The following RAB33A variants were observed in gnomAD, a reference collection of about 807,000 sequenced individuals.
The protein encoded by RAB33A is RAB33A, member RAS oncogene family, also known as ras-related protein Rab-33A.
In RAB33A, 6 loss-of-function variants were observed where a neutral mutation model predicts 12.0. The ratio of observed to expected loss-of-function variants is 0.50; its 90% CI spans 0.27 to 0.99. The LOEUF is 0.99. RAB33A is among the 50% of genes least tolerant of loss of function. RAB33A has a pLI of 0.11. For synonymous variants in RAB33A, 70 were observed against 82.4 expected (o/e 0.85, Z 0.81); for missense variants, 109 against 192.0 (o/e 0.57, Z 2.55).
chrX:130,162,695 T>A, the RAB33A span, among the ~76,000 whole-genome samples: 9 of 111,951 alleles, frequency 8.0e-5, no homozygotes, highest in African/African-American at 1.9e-4. Flanking sequence ...CTCAGTTTCC[T>A]TTTTAAAGAG....
At chrX:130,182,179 T>TACACAC (rs59077749) in intron 1 of RAB33A, among the ~76,000 whole-genome samples, 4,555 of 72,480 alleles carry the variant, frequency 0.063, 381 homozygotes, top group African/African-American at 0.16. Context: ...TATATATATA[T>TACACAC]ATACACATAT....
upstream of RAB33A, among the ~76,000 whole-genome samples, chrX:130,167,288 CA>C (rs2031548548): frequency 8.9e-6 from 1 of 112,816 alleles, no homozygotes; most frequent in Non-Finnish European, 1.9e-5. Context: ...TCCTCATCTA[CA>C]AATCTCAGGA....
chrX:130,116,121 T>C, the RAB33A span, among the ~76,000 whole-genome samples: 1 of 101,782 alleles, frequency 9.8e-6, no homozygotes, highest in Non-Finnish European at 2.0e-5. Context: ...TTTTTTTTTT[T>C]TGAGACAGAG....
upstream of RAB33A, chrX:130,171,942 A>ACACACACACGCG (rs1491061537): frequency 1.2e-6 from 1 of 818,573 alleles, no homozygotes; most frequent in East Asian, 3.5e-5. Flanking sequence ...ACGGGCGGAC[A>ACACACACACGCG]CACACACACG....
the RAB33A span, among the ~76,000 whole-genome samples, chrX:130,141,636 T>C: frequency 1.8e-5 from 2 of 111,175 alleles, no homozygotes; most frequent in Non-Finnish European, 3.8e-5. Flanking sequence ...GCTTCCAGAT[T>C]CTTGTACTTT....
chrX:130,137,508 T>C, the RAB33A span: 1 of 1,167,270 alleles, frequency 8.6e-7, no homozygotes, highest in Non-Finnish European at 1.1e-6. Context: ...CCTGAAAAGA[T>C]GCCCTGATTT....
chrX:130,116,692 A>C, the RAB33A span, among the ~76,000 whole-genome samples: 1 of 112,555 alleles, frequency 8.9e-6, no homozygotes, highest in African/African-American at 3.2e-5. Flanking sequence ...GTTATACCAA[A>C]GCTTTTCTTC....
At chrX:130,158,053 G>A in the RAB33A span, among the ~76,000 whole-genome samples, 1 of 110,189 alleles carries the variant, frequency 9.1e-6, no homozygotes, top group East Asian at 2.9e-4. Context: ...ACCTGAGGTT[G>A]GGAGTTAGAG....
chrX:130,184,438 C>T lies in RAB33A; in HGVS notation c.412C>T (p.His138Tyr), dbSNP rs2031764132. Residue 138 changes from histidine (H) to tyrosine (Y), a missense_variant, in exon 2 of 2, where the codon CAT becomes TAT. Transcript: ENST00000257017. ...AATGTGGATCCAAGAATGCAATGGGCATGCTGTGCCCCCACTAGTCCCCAA... is the reference window on the plus strand; with the variant it reads ...AATGTGGATCCAAGAATGCAATGGGTATGCTGTGCCCCCACTAGTCCCCAA... Reference protein sequence around the residue: ...LKMWIQECNGHAVPPLVPKVL... With the variant: ...LKMWIQECNGYAVPPLVPKVL... 2.5e-6 allele frequency: 3 copies of T among 1,211,899 alleles called. No homozygotes were observed. Among genetic ancestry groups the T allele is most frequent in the Non-Finnish European group, 3.4e-6 (3 of 895,392 alleles).
rs758858788 is a variant in RAB33A at position 130,177,433 on chromosome X, C to T, written c.258+5113C>T. ...TTGCAGAGATGAGAAAAACAAGGCT[C>T]AGTTCAGGGAGGTTAAAAGACTTGT... On this transcript the variant is annotated intron_variant, in intron 1 of 1. Coordinates refer to ENST00000257017, the MANE Select transcript of RAB33A (RefSeq NM_004794.3). Among the ~76,000 whole-genome samples, 15 of 112,447 alleles carry T rather than the reference C, an allele frequency of 1.3e-4. No individual in the cohort carries two copies. In the South Asian group the frequency reaches 3.0e-3, roughly 22 times the overall value.
the RAB33A span, chrX:130,131,896 G>T: frequency 9.5e-7 from 1 of 1,049,378 alleles, no homozygotes; most frequent in Non-Finnish European, 1.3e-6. Context: ...TTTTTGAGAC[G>T]GAGTTTCACT....
At chrX:130,131,152 T>C in the RAB33A span, among the ~76,000 whole-genome samples, 1 of 111,148 alleles carries the variant, frequency 9.0e-6, no homozygotes, top group Admixed American at 9.6e-5. Context: ...GCCTCCCATC[T>C]AAAGAAAACC....
the RAB33A span, among the ~76,000 whole-genome samples, chrX:130,141,846 C>T: frequency 4.5e-5 from 5 of 111,957 alleles, no homozygotes; most frequent in African/African-American, 1.6e-4. Context: ...CTTCAGCTTT[C>T]GCTCAGTCTG....
the RAB33A span, among the ~76,000 whole-genome samples, chrX:130,143,648 C>T: frequency 9.2e-6 from 1 of 108,195 alleles, no homozygotes; most frequent in African/African-American, 3.4e-5. Flanking sequence ...GTCAGGAGTT[C>T]GAGACCAACC....
chrX:130,155,282 C>T, the RAB33A span: 3 of 1,209,528 alleles, frequency 2.5e-6, no homozygotes, highest in Admixed American at 2.2e-5. Context: ...GATGAGACTG[C>T]ACAACTGTAG....
At chrX:130,112,633 G>A in the RAB33A span, among the ~76,000 whole-genome samples, 1 of 111,759 alleles carries the variant, frequency 8.9e-6, no homozygotes, top group Non-Finnish European at 1.9e-5. Context: ...TTGGGATGCC[G>A]AGCGGGGTGG....
chrX:130,172,474 A>G (rs946572149), intron 1 of RAB33A, among the ~76,000 whole-genome samples, 154 bp downstream of exon 1: 1 of 108,716 alleles, frequency 9.2e-6, no homozygotes, highest in Admixed American at 9.6e-5. Context: ...ACCCCTTTTC[A>G]CCTCTCTCAG....
chrX:130,156,038 G>C, the RAB33A span, among the ~76,000 whole-genome samples: 925 of 111,523 alleles, frequency 8.3e-3, 9 homozygotes, highest in South Asian at 0.025. Context: ...GAAGGCTGTT[G>C]TTTTTTTAAT....
the RAB33A span, among the ~76,000 whole-genome samples, chrX:130,138,396 C>T: frequency 3.6e-5 from 4 of 111,275 alleles, no homozygotes; most frequent in South Asian, 1.1e-3. Context: ...ACCCGGGAAG[C>T]GGAGCTTGCA....
Sources: allele counts gnomAD v4.1 joint callset (sites outside exome capture counted in the v4.1 genomes callset), GRCh38; gene constraint gnomAD v4.1.1; transcripts MANE v1.5; gene names NCBI Gene and HGNC (gene_info 2026-07-23, HGNC 2026-07-21).